Variants in ZNF479 observed in about 807,000 individuals in gnomAD.
ZNF479 encodes the protein zinc finger protein 479.
Under a neutral mutation model 14.7 loss-of-function variants are expected in ZNF479, and 15 were observed. That is an observed-to-expected ratio of 1.02 (90% CI 0.68 to 1.57). The LOEUF (loss-of-function observed/expected upper bound fraction) is 1.57. Ranked by LOEUF, ZNF479 falls within the 40% of genes most tolerant of loss-of-function variation. The pLI is 0.00. For missense variants in ZNF479, 506 were observed against 615.1 expected (o/e 0.82, Z 1.88); for synonymous variants, 145 against 211.5 (o/e 0.69, Z 2.73).
intron 1 of ZNF479, among the ~76,000 whole-genome samples, chr7:57,127,315 G>T (rs1464348175): frequency 6.6e-6 from 1 of 151,996 alleles, no homozygotes; most frequent in Admixed American, 6.6e-5. Context: ...GAGCCACTGC[G>T]CCTGGCCGGA....
chr7:57,127,986 A>G (rs1299537687), intron 1 of ZNF479, among the ~76,000 whole-genome samples: 6 of 149,204 alleles, frequency 4.0e-5, no homozygotes, highest in African/African-American at 1.5e-4. Context: ...CCCAGGCTGG[A>G]GTGCAGTGGT....
At position 57,121,027 on chromosome 7, in the gene ZNF479, T is replaced by G. The variant is rs782723502; in HGVS notation, c.388A>C (p.Lys130Gln). ...HEKLQFKKCC[K>Q]SVGEYEVHKG... is the part of the protein sequence containing the mutation. ...TGCACCTCATATTCACCCACACTTT[T>G]ACAGCATTTTTTAAATTGTAATTTC... Residue 130 changes from lysine (K) to glutamine (Q), a missense_variant, in exon 4 of 4, where the codon AAA becomes CAA. Lys to Gln is a moderately conservative substitution (Grantham distance 53). This residue lies in a region of ZNF479 where 420 missense variants were observed against 474.2 expected (regional missense o/e 0.89). Transcript: ENST00000319636. The G allele has an allele frequency of 1.2e-5, 19 of 1,614,076 alleles. No individual in the cohort carries two copies. The highest frequency in any genetic ancestry group is 3.3e-4 in the Middle Eastern group (2 of 6,062).
At chr7:57,133,472 C>A (rs748287105), upstream of ZNF479, among the ~76,000 whole-genome samples, 2 of 152,014 alleles carry the variant, frequency 1.3e-5, no homozygotes, top group Middle Eastern at 3.2e-3. Context: ...CTAATACATG[C>A]GGGCAGCCTG....
intron 3 of ZNF479, among the ~76,000 whole-genome samples, chr7:57,125,306 T>TA (rs1786110507): frequency 6.6e-6 from 1 of 152,002 alleles, no homozygotes; most frequent in African/African-American, 2.4e-5. Context: ...TTGTTTTTTA[T>TA]GAGAAAAAAG....
At chr7:57,136,118 T>C (rs1191440021), upstream of ZNF479, among the ~76,000 whole-genome samples, 1 of 151,882 alleles carries the variant, frequency 6.6e-6, no homozygotes, top group African/African-American at 2.4e-5. Flanking sequence ...GCATGGTGAC[T>C]CACGCCTGTA....
At chr7:57,127,406 T>C in intron 1 of ZNF479, 1 of 244,814 alleles carries the variant, frequency 4.1e-6, no homozygotes, top group Non-Finnish European at 6.6e-6. Flanking sequence ...CATGATGAGT[T>C]GGAAGATACC....
At position 57,120,624 on chromosome 7, in the gene ZNF479, G is replaced by T. The variant is rs1554400228; in HGVS notation, c.791C>A (p.Thr264Asn). The stretch of plus-strand genomic sequence containing the variant: ...TTCACACGTGTAGGGTTTCTCTCCA[G>T]TATGAGTTCTCTTATGTCTAGTAAG... Reference protein sequence around the residue: ...ANLTRHKRTHTGEKPYTCEEC... With the variant: ...ANLTRHKRTHNGEKPYTCEEC... Residue 264 changes from threonine to asparagine, a missense_variant, in exon 4 of 4, where the codon ACT (threonine) becomes AAT (asparagine). Physicochemically the swap from Thr to Asn is moderately conservative, Grantham distance 65 (BLOSUM62 0). Coordinates refer to ENST00000319636, the MANE Select transcript of ZNF479 (RefSeq NM_001370129.2). 1.2e-6 allele frequency: 2 copies of T among 1,613,928 alleles called. No homozygotes were observed. Among genetic ancestry groups the T allele is most frequent in the Admixed American group, 1.7e-5 (1 of 59,954 alleles).
chr7:57,120,213 C>A lies in ZNF479; in HGVS notation c.1202G>T (p.Arg401Ile), dbSNP rs572783904. 30 of 1,611,542 alleles carry A rather than the reference C, an allele frequency of 1.9e-5. No individual in the cohort carries two copies. In the South Asian group the frequency reaches 2.1e-4, roughly 11 times the overall value. Residue 401 changes from arginine (R) to isoleucine (I), a missense_variant, in exon 4 of 4, where the codon AGA (arginine) becomes ATA (isoleucine). This residue lies in a region of ZNF479 where 420 missense variants were observed against 474.2 expected (regional missense o/e 0.89). Coordinates refer to ENST00000319636, the MANE Select transcript of ZNF479 (RefSeq NM_001370129.2). Reference protein sequence around the residue: ...RRSSALTIHKRIHTGERPYKC... With the variant: ...RRSSALTIHKIIHTGERPYKC... ...GTAGGGTCTCTCTCCAGTATGAATT[C>A]TCTTGTGGATAGTAAGTGCTGAGGA...
At chr7:57,134,676 T>C (rs1786567396), upstream of ZNF479, among the ~76,000 whole-genome samples, 1 of 145,992 alleles carries the variant, frequency 6.8e-6, no homozygotes, top group Non-Finnish European at 1.5e-5. Flanking sequence ...TTTTTTTTTT[T>C]TTTTTTTTTT....
intron 1 of ZNF479, among the ~76,000 whole-genome samples, chr7:57,127,052 T>G (rs1320094938): frequency 2.8e-5 from 4 of 141,106 alleles, no homozygotes; most frequent in Non-Finnish European, 6.1e-5. Context: ...AGACCGAGTC[T>G]CACTCTGTTG....
chr7:57,122,179 A>T (rs1785984114), intron 3 of ZNF479, among the ~76,000 whole-genome samples: 1 of 152,162 alleles, frequency 6.6e-6, no homozygotes, highest in African/African-American at 2.4e-5. Context: ...TTATAAGCAT[A>T]GTCCTCTGAG....
At position 57,118,202 on chromosome 7, in the gene ZNF479, C is replaced by G. The variant is rs1311908948; in HGVS notation, c.*1638G>C. Among the ~76,000 whole-genome samples, 2 of 152,272 alleles carry G rather than the reference C, an allele frequency of 1.3e-5. No individual in the cohort carries two copies. Among genetic ancestry groups the G allele is most frequent in the African/African-American group, 4.8e-5 (2 of 41,472 alleles). ...TCTCTAATGTTCAACAAAGTTTGAG[C>G]ATCTTCTCAGATCTTCAAATTTTTC... On this transcript the variant is annotated 3_prime_UTR_variant, in exon 4 of 4. Coordinates refer to ENST00000319636, the MANE Select transcript of ZNF479 (RefSeq NM_001370129.2).
chr7:57,131,282 G>A (rs1019073708), intron 1 of ZNF479, among the ~76,000 whole-genome samples: 1 of 151,944 alleles, frequency 6.6e-6, no homozygotes, highest in African/African-American at 2.4e-5. Flanking sequence ...AAAAAAATCA[G>A]CTGGGTGCGG....
At chr7:57,132,187 G>A (rs1257366886) in intron 1 of ZNF479, 99 bp downstream of exon 1, 3 of 1,606,024 alleles carry the variant, frequency 1.9e-6, no homozygotes, top group Non-Finnish European at 2.6e-6. Context: ...GGCAGGCCCT[G>A]GAACTGACTG....
At chr7:57,122,615 G>A (rs1786000541) in intron 3 of ZNF479, among the ~76,000 whole-genome samples, 2 of 152,128 alleles carry the variant, frequency 1.3e-5, no homozygotes, top group Admixed American at 1.3e-4. Context: ...GTATGGGGTA[G>A]ATATAATGAG....
chr7:57,121,149 G>A lies in ZNF479; in HGVS notation c.266C>T (p.Thr89Met), dbSNP rs782731688. ...RNEMVAKHPVTRSHFTQDLQP... is the reference protein window; with the variant it reads ...RNEMVAKHPVMRSHFTQDLQP... ...AAGGTCTTGGGTGAAATGGGAACGC[G>A]TAACTGAAAGACACAAAAAGCACAA... Residue 89 changes from threonine to methionine, a missense_variant, in exon 4 of 4, where the codon ACG becomes ATG. Coordinates refer to ENST00000319636, the MANE Select transcript of ZNF479 (RefSeq NM_001370129.2). 47 of 1,613,396 alleles carry A rather than the reference G, an allele frequency of 2.9e-5. No homozygotes were observed. Among genetic ancestry groups the A allele is most frequent in the African/African-American group, 1.2e-4 (9 of 74,818 alleles).
At chr7:57,139,139 C>A (rs1786770180) in intron 1 of ZNF479, among the ~76,000 whole-genome samples, 1 of 152,206 alleles carries the variant, frequency 6.6e-6, no homozygotes, top group African/African-American at 2.4e-5. Flanking sequence ...CAGGGAGCAG[C>A]AAACAGGTGA....
At position 57,118,084 on chromosome 7, in the gene ZNF479, T is replaced by C. The variant is rs572435910; in HGVS notation, c.*1756A>G. On this transcript the variant is annotated 3_prime_UTR_variant, in exon 4 of 4. Coordinates refer to ENST00000319636, the MANE Select transcript of ZNF479 (RefSeq NM_001370129.2). ...TCCCCATTTACTGGTTCTGCAAAAATATTTAGTACAAACTGGTGTTTTCTA... is the reference window on the plus strand; with the variant it reads ...TCCCCATTTACTGGTTCTGCAAAAACATTTAGTACAAACTGGTGTTTTCTA... Among the ~76,000 whole-genome samples, 1 of 152,342 alleles carries C rather than the reference T, an allele frequency of 6.6e-6. No individual in the cohort carries two copies. Among genetic ancestry groups the C allele is most frequent in the East Asian group, 1.9e-4 (1 of 5,176 alleles).
In ZNF479 at chr7:57,120,318, G is replaced by A. The variant is rs1435808529; in HGVS notation, c.1097C>T (p.Ser366Leu). Reference protein sequence around the residue: ...EECGQAFSLSSNLMRHRRIHT... With the variant: ...EECGQAFSLSLNLMRHRRIHT... ...AATTCTCCTATGTCTCATAAGGTTC[G>A]AGGATAAGCTAAAGGCTTGGCCACA... is the stretch of plus-strand genomic sequence containing the variant. The change falls in exon 4 of 4, where the codon TCG becomes TTG. Residue 366 changes from serine (S) to leucine (L), a missense_variant. Coordinates refer to ENST00000319636, the MANE Select transcript of ZNF479 (RefSeq NM_001370129.2). The A allele has an allele frequency of 8.7e-6, 14 of 1,609,890 alleles. No homozygotes were observed. The highest frequency in any genetic ancestry group is 2.7e-5 in the African/African-American group (2 of 74,872).
Sources: gnomAD v4.1 joint callset for allele counts (sites outside exome capture counted in the v4.1 genomes callset) on GRCh38, gnomAD v4.1.1 for gene constraint, gnomAD v4.1.1 regional missense constraint, MANE v1.5 for transcripts, NCBI Gene and HGNC (gene_info 2026-07-23, HGNC 2026-07-21) for gene names.